KDM4C: variants seen among roughly 807,000 people sequenced by gnomAD.
KDM4C encodes lysine demethylase 4C, also known as lysine-specific demethylase 4C.
A neutral mutation model predicts 129.3 loss-of-function variants in KDM4C; 81 were observed. The observed-to-expected ratio is 0.63, with a 90% confidence interval of 0.52 to 0.75. The LOEUF is 0.75. Ranked by LOEUF, KDM4C falls within the 30% of genes least tolerant of loss-of-function variation. KDM4C has a pLI of 0.00. For missense variants in KDM4C, 1,457 were observed against 1,304.0 expected (o/e 1.12, Z -1.81); for synonymous variants, 573 against 456.1 (o/e 1.26, Z -3.26).
intron 5 of KDM4C, among the ~76,000 whole-genome samples, chr9:6,851,248 G>A (rs1039604068): frequency 6.6e-6 from 1 of 152,150 alleles, no homozygotes; most frequent in African/African-American, 2.4e-5. Flanking sequence ...CAAAGTGCTG[G>A]GATTACAGGT....
At chr9:6,864,130 T>C (rs531578008) in intron 5 of KDM4C, among the ~76,000 whole-genome samples, 1 of 152,364 alleles carries the variant, frequency 6.6e-6, no homozygotes, top group South Asian at 2.1e-4. Context: ...TAGTGGGTTT[T>C]TTCCCCTCCC....
intron 17 of KDM4C, among the ~76,000 whole-genome samples, chr9:7,055,531 C>T (rs1169000275): frequency 6.6e-6 from 1 of 152,178 alleles, no homozygotes; most frequent in African/African-American, 2.4e-5. Context: ...GCTTAGAAGC[C>T]TCTGTACACT....
chr9:6,756,520 C>T (rs1818293925), upstream of KDM4C, among the ~76,000 whole-genome samples: 1 of 152,214 alleles, frequency 6.6e-6, no homozygotes, highest in Admixed American at 6.5e-5. Flanking sequence ...AGTTTGTGAC[C>T]AGCCTGGCCA....
At chr9:7,081,070 C>T (rs942461135) in intron 17 of KDM4C, among the ~76,000 whole-genome samples, 1 of 152,196 alleles carries the variant, frequency 6.6e-6, no homozygotes, top group Non-Finnish European at 1.5e-5. Context: ...ACAAATTACC[C>T]TCTTAAAATA....
At chr9:6,944,324 ACT>A (rs1325148653) in intron 8 of KDM4C, among the ~76,000 whole-genome samples, 1 of 151,960 alleles carries the variant, frequency 6.6e-6, no homozygotes, top group Non-Finnish European at 1.5e-5. Context: ...GGGGTGTTAA[ACT>A]CTGTTCTCCA....
At position 6,814,622 on chromosome 9, in the gene KDM4C, C is replaced by G; in HGVS notation, c.321-9C>G. 1.3e-6 allele frequency: 2 copies of G among 1,543,394 alleles called. No homozygotes were observed. The highest frequency in any genetic ancestry group is 1.8e-5 in the Admixed American group (1 of 56,260). On this transcript the variant is annotated splice_polypyrimidine_tract_variant and intron_variant, in intron 3 of 21. Transcript: ENST00000381309. Reference sequence around the variant, plus strand: ...TGGTTTGTACATTTTTGTCATCTACCTTTTACAGATATTGTACTCCAAGAT... The same window carrying G: ...TGGTTTGTACATTTTTGTCATCTACGTTTTACAGATATTGTACTCCAAGAT...
chr9:6,905,541 A>G (rs1818165737), intron 8 of KDM4C, among the ~76,000 whole-genome samples: 1 of 152,232 alleles, frequency 6.6e-6, no homozygotes, highest in Admixed American at 6.5e-5. Context: ...TGCTGTATAC[A>G]CTTATGACCT....
In KDM4C at chr9:7,169,884, T is replaced by C; in HGVS notation, c.2988T>C (p.Ala996=). ...LDEELPKRVK[A]RFSTASDMRF... is the part of the protein sequence containing the mutation. ...AAGAGTTACCCAAGAGAGTGAAAGC[T>C]CGATTTGTAAGTGCTGGCAGATGCC... Residue 996 remains alanine (A), a synonymous_variant, in exon 21 of 22, where the codon GCT becomes GCC. Transcript: ENST00000381309. 1 of 1,614,032 alleles carries C rather than the reference T, an allele frequency of 6.2e-7. No individual in the cohort carries two copies. The highest frequency in any genetic ancestry group is 1.1e-5 in the South Asian group (1 of 91,074).
In KDM4C at chr9:6,919,223, C is replaced by CTTTCTTTCT. The variant is rs532687391; in HGVS notation, c.921+25993_921+25994insTCTTTCTTT. Among the ~76,000 whole-genome samples, 334 of 108,964 alleles carry CTTTCTTTCT rather than the reference C, an allele frequency of 3.1e-3. 10 individuals carry two copies. Among genetic ancestry groups the CTTTCTTTCT allele is most frequent in the Middle Eastern group, 0.016 (3 of 188 alleles). The allele number at this position is 108,964 out of a possible 152,430, so 71.5% of individuals were successfully genotyped here. On this transcript the variant is annotated intron_variant, in intron 8 of 21. Coordinates refer to ENST00000381309, the MANE Select transcript of KDM4C (RefSeq NM_015061.6). ...TTACAGATTCTGAATTTTCTTTTTC[C>CTTTCTTTCT]TTCTTTCTTTCTTTCTTTCTTTCTT...
Position 7,048,516 on chromosome 9 carries a change from C to A in KDM4C, c.2316-576C>A, listed in dbSNP as rs942076821. ...TTCAGAAAGTGAAAAAAGTAGGAAA[C>A]TAGGGTATGAGATAAACTTCATTTC... On this transcript the variant is annotated intron_variant, in intron 16 of 21. Coordinates refer to ENST00000381309, the MANE Select transcript of KDM4C (RefSeq NM_015061.6). Among the ~76,000 whole-genome samples, 5 of 151,962 alleles carry A rather than the reference C, an allele frequency of 3.3e-5. No individual in the cohort carries two copies. The South Asian group carries it at 1.0e-3, about 31-fold the overall frequency.
intron 17 of KDM4C, among the ~76,000 whole-genome samples, chr9:7,091,678 A>G (rs986228304): frequency 3.3e-5 from 5 of 152,244 alleles, no homozygotes; most frequent in African/African-American, 4.8e-5. Context: ...TTCCATAAAA[A>G]TAAATCTGAG....
intron 3 of KDM4C, among the ~76,000 whole-genome samples, chr9:6,806,866 CTCTCCG>C (rs529750174): frequency 2.9e-4 from 42 of 143,486 alleles, no homozygotes; most frequent in Middle Eastern, 3.2e-3. Flanking sequence ...GTTGCTCTCC[CTCTCCG>C]TCTCCGTCTC....
chr9:6,942,282 AGTGTGTGTGTGTGTGTGTGT>A (rs58676459), intron 8 of KDM4C, among the ~76,000 whole-genome samples: 9 of 142,624 alleles, frequency 6.3e-5, no homozygotes, highest in African/African-American at 1.3e-4. Flanking sequence ...TAGCCCTCAA[AGTGTGTGTGTGTGTGTGTGT>A]GTGTGTGTGT....
chr9:7,038,610 C>G (rs1322257849), intron 15 of KDM4C, among the ~76,000 whole-genome samples: 1 of 151,960 alleles, frequency 6.6e-6, no homozygotes, highest in African/African-American at 2.4e-5. Flanking sequence ...ACTATTTTCT[C>G]CATTATAAAC....
intron 3 of KDM4C, among the ~76,000 whole-genome samples, chr9:6,813,400 T>G (rs970507984): frequency 1.2e-4 from 19 of 152,194 alleles, no homozygotes; most frequent in Non-Finnish European, 1.5e-5. Context: ...TTGTTCTATG[T>G]TTTAAATACA....
At chr9:7,143,786 TC>T (rs1381229771) in intron 19 of KDM4C, among the ~76,000 whole-genome samples, 4 of 152,256 alleles carry the variant, frequency 2.6e-5, no homozygotes, top group African/African-American at 9.6e-5. Flanking sequence ...CATTATCCAC[TC>T]CTTAACCATC....
intron 14 of KDM4C, among the ~76,000 whole-genome samples, chr9:7,014,814 TATTA>T (rs908870289): frequency 6.6e-6 from 1 of 152,072 alleles, no homozygotes; most frequent in Non-Finnish European, 1.5e-5. Context: ...ATCTATCATT[TATTA>T]ATTAATTAGA....
Position 6,894,068 on chromosome 9 carries a change from C to T in KDM4C, c.921+836C>T, listed in dbSNP as rs180961559. On this transcript the variant is annotated intron_variant, in intron 8 of 21. Transcript: ENST00000381309. ...TAAAGCGTATGTGGTCTTATTTTGG[C>T]CATTGCATGGCTCAACTGAATATCA... Among the ~76,000 whole-genome samples, 723 of 152,270 alleles carry T rather than the reference C, an allele frequency of 4.7e-3. 7 individuals are homozygous for T. Among genetic ancestry groups the T allele is most frequent in the African/African-American group, 0.016 (682 of 41,542 alleles).
At chr9:6,935,914 G>A (rs1441916769) in intron 8 of KDM4C, among the ~76,000 whole-genome samples, 1 of 152,180 alleles carries the variant, frequency 6.6e-6, no homozygotes, top group Non-Finnish European at 1.5e-5. Context: ...GACATGAAAA[G>A]TAGATGAAAG....
Sources: gnomAD v4.1 joint callset for allele counts (sites outside exome capture counted in the v4.1 genomes callset) on GRCh38, gnomAD v4.1.1 for gene constraint, MANE v1.5 for transcripts, NCBI Gene and HGNC (gene_info 2026-07-23, HGNC 2026-07-21) for gene names.